SPTBN5: variants seen among roughly 807,000 people sequenced by gnomAD.
The protein encoded by SPTBN5 is spectrin beta chain, non-erythrocytic 5.
SPTBN5 carries 513 observed loss-of-function variants against 477.6 expected under a neutral mutation model. The observed-to-expected ratio is 1.07, with a 90% CI of 1.00 to 1.16. The LOEUF (loss-of-function observed/expected upper bound fraction) is 1.16, where lower values mean the gene tolerates loss of function less well. Among genes scored for constraint, SPTBN5 ranks in the 50% most tolerant of loss-of-function variants. SPTBN5 has a pLI of 0.00. For missense variants in SPTBN5, 5,062 were observed against 4,731.8 expected, an observed-to-expected ratio of 1.07 and a Z score of -2.05; for synonymous variants, 2,169 against 2,011.7, an observed-to-expected ratio of 1.08 and a Z score of -2.09.
At chr15:41,857,777 C>G in intron 49 of SPTBN5, 67 bp from the exon 50 acceptor site, 1 of 1,500,224 alleles carries the variant, frequency 6.7e-7, no homozygotes. Context: ...CTTGTGTTGA[C>G]TCTGACCACC....
intron 56 of SPTBN5, among the ~76,000 whole-genome samples, chr15:41,854,503 C>G (rs936367445): frequency 1.3e-5 from 2 of 152,064 alleles, no homozygotes; most frequent in South Asian, 4.1e-4. Flanking sequence ...TCTCGGGGAT[C>G]TGGCTGACCC....
chr15:41,889,953 T>G, intron 4 of SPTBN5, 136 bp downstream of exon 4: 1 of 626,052 alleles, frequency 1.6e-6, no homozygotes, highest in Non-Finnish European at 2.9e-6. Context: ...GGAGAGTGAA[T>G]ATGGACTTTG....
At position 41,883,433 on chromosome 15, in the gene SPTBN5, T is replaced by C. The variant is rs1214194310; in HGVS notation, c.1574A>G (p.Gln525Arg). Reference protein sequence around the residue: ...WQRLLQHLQGQRKQVADMQAV... With the variant: ...WQRLLQHLQGRRKQVADMQAV... ...CTGCATGTCTGCCACCTGCTTCCTC[T>C]GTCCCTGTAGATGCTGAAGGAGCCT... The change falls in exon 8 of 68, where the codon CAG (glutamine) becomes CGG (arginine). Residue 525 changes from glutamine (Q) to arginine (R), a missense_variant. Gln to Arg is a conservative substitution (Grantham distance 43). Transcript: ENST00000320955. 2 of 1,613,970 alleles carry C rather than the reference T, an allele frequency of 1.2e-6. No homozygotes were observed. Among genetic ancestry groups the C allele is most frequent in the South Asian group, 2.2e-5 (2 of 91,088 alleles).
At chr15:41,862,764 G>A in intron 42 of SPTBN5, 26 bp downstream of exon 42, 1 of 1,551,536 alleles carries the variant, frequency 6.4e-7, no homozygotes, top group East Asian at 2.4e-5. Context: ...GATGCCCTGG[G>A]CCCAGCTCTA....
At chr15:41,860,524 C>T (rs890519744) in intron 47 of SPTBN5, 62 bp downstream of exon 47, 41 of 1,326,190 alleles carry the variant, frequency 3.1e-5, no homozygotes, top group Admixed American at 1.2e-4. Context: ...AGGGAAGAAC[C>T]GGGATGCCAG....
intron 3 of SPTBN5, among the ~76,000 whole-genome samples, chr15:41,890,786 A>C (rs1175864900): frequency 2.6e-5 from 4 of 152,210 alleles, no homozygotes; most frequent in Non-Finnish European, 5.9e-5. Flanking sequence ...GCTCTTAGGT[A>C]CACCAAAGTT....
intron 34 of SPTBN5, 30 bp from the exon 35 acceptor site, chr15:41,867,672 A>G: frequency 2.5e-6 from 4 of 1,603,258 alleles, no homozygotes; most frequent in Non-Finnish European, 3.4e-6. Context: ...AGAGGCCACC[A>G]AGCCTTCCAG....
chr15:41,879,486 C>A lies in SPTBN5; in HGVS notation c.2956G>T (p.Glu986Ter). The A allele has an allele frequency of 6.4e-7, 1 of 1,569,222 alleles. No individual in the cohort carries two copies. Among genetic ancestry groups the A allele is most frequent in the Non-Finnish European group, 8.6e-7 (1 of 1,160,072 alleles). ...ACGGCCTTCTCCCTCTTCAGGGCCTCCAGCTGCCCCCACCTGGGCAGAGGG... is the reference window on the plus strand; with the variant it reads ...ACGGCCTTCTCCCTCTTCAGGGCCTACAGCTGCCCCCACCTGGGCAGAGGG... Reference protein sequence around the residue: ...EELSQRWGQLEALKREKAVQL... With the variant: ...EELSQRWGQL Residue 986 changes from glutamate (E) to a stop codon, truncating the protein, a stop_gained, in exon 16 of 68, where the codon GAG (glutamate) becomes TAG (stop). Coordinates refer to ENST00000320955, the MANE Select transcript of SPTBN5 (RefSeq NM_016642.4). LOFTEE classifies it high-confidence loss of function.
At chr15:41,891,339 C>A (rs1420853590) in intron 3 of SPTBN5, among the ~76,000 whole-genome samples, 1 of 152,172 alleles carries the variant, frequency 6.6e-6, no homozygotes, top group Non-Finnish European at 1.5e-5. Context: ...CCTGGGTGTC[C>A]CCCTAGGTAA....
chr15:41,849,989 C>A (rs771602802), intron 66 of SPTBN5, 30 bp from the exon 67 acceptor site: 177 of 1,543,040 alleles, frequency 1.1e-4, no homozygotes, highest in Non-Finnish European at 1.5e-4. Context: ...CCACTGTTAG[C>A]CCGGCCCAGA....
At chr15:41,859,067 T>C (rs1166448479) in intron 47 of SPTBN5, 87 bp from the exon 48 acceptor site, 1 of 1,037,954 alleles carries the variant, frequency 9.6e-7, no homozygotes, top group African/African-American at 1.6e-5. Flanking sequence ...CGGGTATGAA[T>C]ATACTCTGAG....
At chr15:41,853,887 C>T in intron 57 of SPTBN5, 100 bp from the exon 58 acceptor site, 7 of 1,429,540 alleles carry the variant, frequency 4.9e-6, no homozygotes, top group Non-Finnish European at 6.5e-6. Context: ...CACCTCCACT[C>T]TGCTGCACAA....
chr15:41,851,831 GT>G lies in SPTBN5; in HGVS notation c.10603del (p.Thr3535ProfsTer36), dbSNP rs775154006. ...CTTGAACTCCAAAGACCCCTCCATG[GT>G]GGGGGTACCCTTTGCATCCTGAAAA... The part of the protein sequence containing the change: ...RDPQDAKGTP[T>X]MEGSLEFKQH... On this transcript the variant is annotated frameshift_variant, in exon 63 of 68. Transcript: ENST00000320955. LOFTEE classifies it high-confidence loss of function. The G allele has an allele frequency of 1.2e-6, 2 of 1,610,596 alleles. No homozygotes were observed. Among genetic ancestry groups the G allele is most frequent in the African/African-American group, 2.7e-5 (2 of 74,826 alleles).
Position 41,870,371 on chromosome 15 carries a change from C to A in SPTBN5, c.5563-18G>T, listed in dbSNP as rs767098603. On this transcript the variant is annotated intron_variant, in intron 30 of 67. Coordinates refer to ENST00000320955, the MANE Select transcript of SPTBN5 (RefSeq NM_016642.4). Reference sequence around the variant, plus strand: ...GCTTTCTCCTGAGGAAGGGAGAATGCCGAGGAGATGAGGGATGGAGCGTGG... The same window carrying A: ...GCTTTCTCCTGAGGAAGGGAGAATGACGAGGAGATGAGGGATGGAGCGTGG... 1.8e-5 allele frequency: 29 copies of A among 1,590,024 alleles called. No homozygotes were observed. The Middle Eastern group carries it at 8.3e-4, about 45-fold the overall frequency.
At position 41,862,821 on chromosome 15, in the gene SPTBN5, C is replaced by T. The variant is rs1196529553; in HGVS notation, c.7232G>A (p.Arg2411Gln). The change falls in exon 42 of 68, where the codon CGG becomes CAG. Residue 2411 changes from arginine (R) to glutamine (Q), a missense_variant. Arg to Gln is a conservative substitution (Grantham distance 43, BLOSUM62 1). Transcript: ENST00000320955. ...RLLRKHEELEREVHPIQAQVE... is the reference protein window; with the variant it reads ...RLLRKHEELEQEVHPIQAQVE... ...CTGGGCCTGGATGGGGTGCACTTCCCGCTCCAGCTCCTCGTGTTTCCGCAG... is the reference window on the plus strand; with the variant it reads ...CTGGGCCTGGATGGGGTGCACTTCCTGCTCCAGCTCCTCGTGTTTCCGCAG... The T allele has an allele frequency of 3.8e-6, 6 of 1,583,770 alleles. No homozygotes were observed. In the Admixed American group the frequency reaches 7.2e-5, roughly 19 times the overall value.
rs752669771 is a variant in SPTBN5, at chr15:41,858,946, G to A, written c.8023C>T (p.Arg2675Cys). Residue 2675 changes from arginine (R) to cysteine (C), a missense_variant, in exon 48 of 68, where the codon CGC becomes TGC. Physicochemically the swap from Arg to Cys is radical, Grantham distance 180 (BLOSUM62 -3). Transcript: ENST00000320955. ...TGCCGGAGCTCCTCCAGGCGATGGC[G>A]GCGGGTCCCGGCTTGCCTGAAGAGC... is the stretch of plus-strand genomic sequence containing the variant. ...EALFRQAGTR[R>C]HRLEELRQLQ... The A allele has an allele frequency of 1.7e-5, 27 of 1,588,632 alleles. No homozygotes were observed. The highest frequency in any genetic ancestry group is 6.8e-5 in the South Asian group (6 of 88,328).
chr15:41,855,331 G>A lies in SPTBN5; in HGVS notation c.9316C>T (p.Gln3106Ter). ...ARGHGLQEQLQLHQLERETLL... is the reference protein window; with the variant it reads ...ARGHGLQEQL ...GTCTCTCGCTCCAGCTGGTGTAGCT[G>A]CAGCTGCTCCTGCAGGCCGTGCCCC... Residue 3106 changes from glutamine to a stop codon, truncating the protein, a stop_gained, in exon 55 of 68, where the codon CAG becomes TAG. Transcript: ENST00000320955. LOFTEE classifies it high-confidence loss of function. 6.2e-7 allele frequency: 1 copy of A among 1,608,424 alleles called. No individual in the cohort carries two copies. Among genetic ancestry groups the A allele is most frequent in the Non-Finnish European group, 8.5e-7 (1 of 1,179,748 alleles).
chr15:41,871,721 G>A, intron 28 of SPTBN5, 61 bp downstream of exon 28: 2 of 1,447,248 alleles, frequency 1.4e-6, no homozygotes, highest in South Asian at 3.0e-5. Context: ...GCCAGAGCCA[G>A]CTTCCCCACC....
rs977639195 is a variant in SPTBN5 at position 41,862,865 on chromosome 15, C to T, written c.7188G>A (p.Leu2396=). The change falls in exon 42 of 68, where the codon CTG becomes CTA. Residue 2396 remains leucine (L), a synonymous_variant. Transcript: ENST00000320955. ...LIQALDCGKD[L]ESVQRLLRKH... is the part of the protein sequence containing the mutation. ...TCCGCAGCAGCCTCTGCACGCTCTC[C>T]AGATCTTTCCCACAGTCCAGGGCCT... is the stretch of plus-strand genomic sequence containing the variant. 6.3e-7 allele frequency: 1 copy of T among 1,589,556 alleles called. No individual in the cohort carries two copies. Among genetic ancestry groups the T allele is most frequent in the Non-Finnish European group, 8.6e-7 (1 of 1,168,710 alleles).
Sources: gnomAD v4.1 joint callset for allele counts (sites outside exome capture counted in the v4.1 genomes callset) on GRCh38, gnomAD v4.1.1 for gene constraint, MANE v1.5 for transcripts, NCBI Gene and HGNC (gene_info 2026-07-23, HGNC 2026-07-21) for gene names.